MGA: variants seen among roughly 807,000 people sequenced by gnomAD.
The protein encoded by MGA is MAX dimerization protein MGA, also known as MAX gene-associated protein.
MGA carries 40 observed loss-of-function variants against 261.1 expected under a neutral mutation model. The ratio of observed to expected loss-of-function variants is 0.15; its 90% CI spans 0.12 to 0.20. The LOEUF is 0.20. Among genes scored for constraint, MGA ranks in the 10% least tolerant of loss-of-function variants. The pLI, the probability that MGA is intolerant of heterozygous loss-of-function variation, is 1.00. For synonymous variants in MGA, 1,302 were observed against 1,290.6 expected, an observed-to-expected ratio of 1.01 and a Z score of -0.19; for missense variants, 3,397 against 3,630.5, an observed-to-expected ratio of 0.94 and a Z score of 1.65.
chr15:41,677,061 C>T (rs1479134173), intron 2 of MGA, among the ~76,000 whole-genome samples: 2 of 152,230 alleles, frequency 1.3e-5, no homozygotes, highest in Non-Finnish European at 2.9e-5. Flanking sequence ...CTTGCCTGAT[C>T]TCTTTGGCCT....
At chr15:41,703,241 A>G (rs2059936654) in intron 5 of MGA, among the ~76,000 whole-genome samples, 1 of 152,090 alleles carries the variant, frequency 6.6e-6, no homozygotes, top group South Asian at 2.1e-4. Flanking sequence ...GTATTTTTAT[A>G]GATGTCCCTC....
chr15:41,734,457 C>A, intron 11 of MGA, 65 bp from the exon 12 acceptor site: 14 of 1,270,326 alleles, frequency 1.1e-5, no homozygotes, highest in Non-Finnish European at 1.6e-5. Flanking sequence ...ATGCTTGTGT[C>A]CAAGTTTCTG....
In MGA at chr15:41,749,791, T is replaced by A; in HGVS notation, c.6184T>A (p.Tyr2062Asn). 2 of 1,613,940 alleles carry A rather than the reference T, an allele frequency of 1.2e-6. No homozygotes were observed. The highest frequency in any genetic ancestry group is 1.7e-6 in the Non-Finnish European group (2 of 1,179,876). ...CACTGGGTCACATACAGATCAAGAT[T>A]ATAAAGATGTTAATGAAGAATATGG... is the stretch of plus-strand genomic sequence containing the variant. The change falls in exon 17 of 24, where the codon TAT becomes AAT. Residue 2062 changes from tyrosine to asparagine, a missense_variant. Transcript: ENST00000219905.
At chr15:41,636,495 C>G (rs540041085) in intron 1 of MGA, among the ~76,000 whole-genome samples, 3 of 146,468 alleles carry the variant, frequency 2.0e-5, no homozygotes, top group Admixed American at 7.0e-5. Flanking sequence ...GAGCCTTGCT[C>G]TGTTGCCCAG....
chr15:41,762,288 A>G lies in MGA; in HGVS notation c.7670A>G (p.Asp2557Gly), dbSNP rs770886069. ...GAAGGATCTTCTGCATCATCTGTAG[A>G]TCTTGGACAGATGTTTATAAATAAC... The change falls in exon 22 of 24, where the codon GAT (aspartate) becomes GGT (glycine). Residue 2557 changes from aspartate (D) to glycine (G), a missense_variant. By Grantham distance (94) the Asp-to-Gly change is moderately conservative. Transcript: ENST00000219905. 4 of 1,613,764 alleles carry G rather than the reference A, an allele frequency of 2.5e-6. No homozygotes were observed. Among genetic ancestry groups the G allele is most frequent in the African/African-American group, 2.7e-5 (2 of 74,896 alleles).
intron 1 of MGA, among the ~76,000 whole-genome samples, chr15:41,622,871 A>G (rs940954243): frequency 6.6e-6 from 1 of 152,244 alleles, no homozygotes. Context: ...ACCACTGCTT[A>G]TGTTTTATTA....
chr15:41,748,379 C>G (rs538957645), intron 15 of MGA, among the ~76,000 whole-genome samples: 50 of 152,264 alleles, frequency 3.3e-4, no homozygotes, highest in African/African-American at 1.2e-3. Flanking sequence ...ATGGTGAAAC[C>G]CTGTCTCTAC....
At position 41,745,599 on chromosome 15, in the gene MGA, T is replaced by A. The variant is rs553541770; in HGVS notation, c.5212+2427T>A. The stretch of plus-strand genomic sequence containing the variant: ...AAAATGTATTTTTATTTAAAAAAAA[T>A]ATATATCTATATATAGAGAGAGACA... On this transcript the variant is annotated intron_variant, in intron 15 of 23. Transcript: ENST00000219905. Among the ~76,000 whole-genome samples, 383 of 151,774 alleles carry A rather than the reference T, an allele frequency of 2.5e-3. 3 individuals are homozygous for A. Among genetic ancestry groups the A allele is most frequent in the African/African-American group, 7.1e-3 (296 of 41,418 alleles).
chr15:41,687,305 GA>G (rs890028562), intron 2 of MGA, among the ~76,000 whole-genome samples: 12 of 151,742 alleles, frequency 7.9e-5, no homozygotes, highest in South Asian at 2.1e-4. Flanking sequence ...AGTGATTGGG[GA>G]AAAAAAATAG....
chr15:41,722,264 G>C (rs1407696634), intron 9 of MGA, among the ~76,000 whole-genome samples: 1 of 151,716 alleles, frequency 6.6e-6, no homozygotes, highest in Non-Finnish European at 1.5e-5. Context: ...CGAGTAGCTG[G>C]GACTACAGGC....
chr15:41,675,791 A>G (rs1240897609), intron 2 of MGA, among the ~76,000 whole-genome samples: 1 of 152,018 alleles, frequency 6.6e-6, no homozygotes, highest in Non-Finnish European at 1.5e-5. Flanking sequence ...AAAAAATTAT[A>G]GCTGTAGAGG....
At chr15:41,686,222 A>C (rs775798227) in intron 2 of MGA, among the ~76,000 whole-genome samples, 79 of 151,668 alleles carry the variant, frequency 5.2e-4, no homozygotes, top group Non-Finnish European at 9.3e-4. Flanking sequence ...TGTTGAAAAT[A>C]AATTTTGAGG....
At chr15:41,690,780 A>G (rs7175318) in intron 2 of MGA, among the ~76,000 whole-genome samples, 38,102 of 151,966 alleles carry the variant, frequency 0.25, 5,274 homozygotes, top group Middle Eastern at 0.43. Context: ...TCGAGAGGCT[A>G]AAGTGGGAGG....
intron 9 of MGA, among the ~76,000 whole-genome samples, chr15:41,719,328 A>G (rs1425906096): frequency 6.6e-6 from 1 of 152,218 alleles, no homozygotes; most frequent in Admixed American, 6.5e-5. Context: ...ATTGGCCTAT[A>G]GATCTGCTGA....
At chr15:41,699,277 T>C (rs2059711335) in intron 5 of MGA, 118 bp downstream of exon 5, 2 of 665,232 alleles carry the variant, frequency 3.0e-6, no homozygotes, top group Non-Finnish European at 4.9e-6. Flanking sequence ...TCTTTCTTTC[T>C]AGCCTTGATT....
Position 41,761,424 on chromosome 15 carries a change from A to T in MGA, c.7399-315A>T, listed in dbSNP as rs189282338. Among the ~76,000 whole-genome samples, 14 of 152,344 alleles carry T rather than the reference A, an allele frequency of 9.2e-5. No individual in the cohort carries two copies. The East Asian group carries it at 2.7e-3, about 29-fold the overall frequency. On this transcript the variant is annotated intron_variant, in intron 20 of 23. Transcript: ENST00000219905. Reference sequence around the variant, plus strand: ...CAGATTTTGGTTAGACTAGGAGTTGATCTTAAAGTTGATTATTAAAATCTA... The same window carrying T: ...CAGATTTTGGTTAGACTAGGAGTTGTTCTTAAAGTTGATTATTAAAATCTA...
chr15:41,662,375 C>T (rs2057465094), intron 1 of MGA, among the ~76,000 whole-genome samples: 1 of 152,160 alleles, frequency 6.6e-6, no homozygotes, highest in African/African-American at 2.4e-5. Flanking sequence ...CTGCGGCTAG[C>T]AGTAACAAAT....
At chr15:41,727,067 A>G in intron 9 of MGA, 113 bp from the exon 10 acceptor site, 1 of 736,936 alleles carries the variant, frequency 1.4e-6, no homozygotes, top group Non-Finnish European at 2.2e-6. Flanking sequence ...CTATTTGATT[A>G]TTTTAACGAG....
At chr15:41,623,704 G>A (rs2056368623) in intron 1 of MGA, among the ~76,000 whole-genome samples, 1 of 149,406 alleles carries the variant, frequency 6.7e-6, no homozygotes, top group Admixed American at 6.7e-5. Context: ...TCCAGCCTGG[G>A]CAACAAGAGC....
Sources: gnomAD v4.1 joint callset for allele counts (sites outside exome capture counted in the v4.1 genomes callset) on GRCh38, gnomAD v4.1.1 for gene constraint, MANE v1.5 for transcripts, NCBI Gene and HGNC (gene_info 2026-07-23, HGNC 2026-07-21) for gene names.